Variants in ZMAT4 observed in about 807,000 individuals in gnomAD.
The protein encoded by ZMAT4 is zinc finger matrin-type 4.
In ZMAT4, 17 loss-of-function variants were observed where a neutral mutation model predicts 28.7. The ratio of observed to expected loss-of-function variants is 0.59; its 90% confidence interval spans 0.41 to 0.89. ZMAT4 has a LOEUF of 0.89. ZMAT4 is among the 40% of genes least tolerant of loss of function. The probability of loss-of-function intolerance (pLI) is 0.00; values close to 1 mark genes in which losing one functional copy is unlikely to be tolerated. For synonymous variants in ZMAT4, 117 were observed against 109.2 expected (o/e 1.07, Z -0.44); for missense variants, 240 against 283.8 (o/e 0.85, Z 1.11).
intron 1 of ZMAT4, among the ~76,000 whole-genome samples, chr8:40,869,063 G>A (rs16890057): frequency 0.22 from 33,179 of 152,058 alleles, 3,709 homozygotes; most frequent in Admixed American, 0.25. Flanking sequence ...TGGTTTAGAC[G>A]CTGTTCTTCA....
rs1238949938 is a variant in ZMAT4 at position 40,881,515 on chromosome 8, GGA to G, written c.-5+16166_-5+16167del. Among the ~76,000 whole-genome samples the G allele has an allele frequency of 7.0e-5, 6 of 85,896 alleles. No individual in the cohort carries two copies. In the South Asian group the frequency reaches 2.4e-3, roughly 34 times the overall value. 56.4% of individuals were successfully genotyped at this position (85,896 alleles called of 152,430 possible). A position where few individuals can be genotyped will look rare whatever the true frequency, so the allele number is the denominator to read the frequency against. Reference sequence around the variant, plus strand: ...AGAAAGAAAGAGGAAGGAAGGAAGGGGAGAGAGAGAGACAGAAAGAAAGAAAG... The same window carrying G: ...AGAAAGAAAGAGGAAGGAAGGAAGGGGAGAGAGAGACAGAAAGAAAGAAAG... On this transcript the variant is annotated intron_variant, in intron 1 of 6. Transcript: ENST00000297737.
intron 6 of ZMAT4, among the ~76,000 whole-genome samples, chr8:40,557,947 G>A (rs999191326): frequency 2.0e-5 from 3 of 152,198 alleles, no homozygotes; most frequent in South Asian, 2.1e-4. Context: ...AGACAAAATA[G>A]GATGATGTGA....
chr8:40,759,943 T>C (rs536217228), intron 3 of ZMAT4, among the ~76,000 whole-genome samples: 1 of 152,250 alleles, frequency 6.6e-6, no homozygotes, highest in Admixed American at 6.5e-5. Context: ...TCATAAATAA[T>C]TAACTGAACT....
chr8:40,664,408 C>A (rs914455211), intron 5 of ZMAT4, among the ~76,000 whole-genome samples: 1 of 152,172 alleles, frequency 6.6e-6, no homozygotes, highest in Non-Finnish European at 1.5e-5. Context: ...CATAGCTATT[C>A]AGATTTTGAC....
chr8:40,704,099 C>A (rs111757360), intron 3 of ZMAT4, among the ~76,000 whole-genome samples: 6 of 152,316 alleles, frequency 3.9e-5, no homozygotes, highest in African/African-American at 1.4e-4. Context: ...TTCTGCTAGA[C>A]GCAGAAATAA....
intron 6 of ZMAT4, among the ~76,000 whole-genome samples, chr8:40,554,192 G>T (rs892551533): frequency 1.3e-5 from 2 of 152,074 alleles, no homozygotes; most frequent in Non-Finnish European, 2.9e-5. Flanking sequence ...GTCACTTAAA[G>T]TTTTTTGTGT....
intron 3 of ZMAT4, among the ~76,000 whole-genome samples, chr8:40,705,560 T>C (rs1381639863): frequency 6.6e-6 from 1 of 152,186 alleles, no homozygotes; most frequent in African/African-American, 2.4e-5. Context: ...AAATGACATA[T>C]CTTTGAAAAA....
intron 6 of ZMAT4, among the ~76,000 whole-genome samples, chr8:40,546,875 C>T (rs1803218772): frequency 6.6e-6 from 1 of 152,114 alleles, no homozygotes; most frequent in Admixed American, 6.6e-5. Context: ...TTCCTCTGAA[C>T]ATAGATTCAG....
At chr8:40,619,660 C>T (rs553648020) in intron 5 of ZMAT4, among the ~76,000 whole-genome samples, 4 of 152,272 alleles carry the variant, frequency 2.6e-5, no homozygotes, top group East Asian at 3.9e-4. Flanking sequence ...TGGAGAGCAC[C>T]AGAGAGGGCA....
At chr8:40,664,440 C>T (rs546832009) in intron 5 of ZMAT4, among the ~76,000 whole-genome samples, 1 of 152,302 alleles carries the variant, frequency 6.6e-6, no homozygotes, top group South Asian at 2.1e-4. Context: ...ACCAGGTTGC[C>T]ACCACCATGA....
chr8:40,820,155 AAT>A (rs1232834823), intron 2 of ZMAT4, among the ~76,000 whole-genome samples: 4 of 133,364 alleles, frequency 3.0e-5, no homozygotes, highest in East Asian at 2.8e-4. Context: ...TGTATATGCG[AAT>A]ATGTGTGTGT....
At chr8:40,558,186 G>T (rs990122902) in intron 6 of ZMAT4, among the ~76,000 whole-genome samples, 2 of 152,148 alleles carry the variant, frequency 1.3e-5, no homozygotes, top group African/African-American at 4.8e-5. Context: ...GAGGTAGGTT[G>T]ATATTGGATT....
intron 5 of ZMAT4, among the ~76,000 whole-genome samples, chr8:40,631,066 C>T (rs1806559843): frequency 6.6e-6 from 1 of 152,028 alleles, no homozygotes; most frequent in African/African-American, 2.4e-5. Context: ...ATTTCAAGTG[C>T]TCAATAGCAA....
intron 1 of ZMAT4, among the ~76,000 whole-genome samples, chr8:40,849,024 G>A (rs1006312340): frequency 6.6e-6 from 1 of 152,234 alleles, no homozygotes; most frequent in Non-Finnish European, 1.5e-5. Flanking sequence ...CGAGCCATGC[G>A]GGAGGACAAG....
At chr8:40,591,814 C>T (rs1035206469) in intron 5 of ZMAT4, among the ~76,000 whole-genome samples, 2 of 152,066 alleles carry the variant, frequency 1.3e-5, no homozygotes, top group African/African-American at 2.4e-5. Flanking sequence ...CACAGTTAAT[C>T]CTCAAAACCA....
At chr8:40,884,316 A>G (rs7845755) in intron 1 of ZMAT4, among the ~76,000 whole-genome samples, 118,340 of 151,884 alleles carry the variant, frequency 0.78, 46,197 homozygotes, top group Admixed American at 0.82. Flanking sequence ...TCATCTTTGT[A>G]CCCTGCCCAC....
At chr8:40,580,513 T>C (rs1007119391) in intron 6 of ZMAT4, among the ~76,000 whole-genome samples, 5 of 152,232 alleles carry the variant, frequency 3.3e-5, no homozygotes, top group African/African-American at 1.2e-4. Flanking sequence ...CTTTGCTTTT[T>C]TCATATTTTA....
chr8:40,671,221 G>C (rs1305671156), intron 5 of ZMAT4, among the ~76,000 whole-genome samples: 1 of 152,144 alleles, frequency 6.6e-6, no homozygotes, highest in Non-Finnish European at 1.5e-5. Flanking sequence ...TTATATGTTG[G>C]CTTTTTGAAG....
intron 2 of ZMAT4, among the ~76,000 whole-genome samples, chr8:40,798,137 C>T (rs1483502271): frequency 6.6e-6 from 1 of 152,208 alleles, no homozygotes; most frequent in Non-Finnish European, 1.5e-5. Context: ...GGTCAGGCTC[C>T]TCACTGGCTT....
Sources: allele counts gnomAD v4.1 joint callset (sites outside exome capture counted in the v4.1 genomes callset), GRCh38; gene constraint gnomAD v4.1.1; transcripts MANE v1.5; gene names NCBI Gene and HGNC (gene_info 2026-07-23, HGNC 2026-07-21).